Variants in BOC observed in about 807,000 individuals in gnomAD.
BOC encodes the protein BOC cell adhesion associated, oncogene regulated.
A neutral mutation model predicts 112.0 loss-of-function variants in BOC; 76 were observed. The observed-to-expected ratio is 0.68, with a 90% CI of 0.56 to 0.82. The LOEUF (loss-of-function observed/expected upper bound fraction) is 0.82, where lower values mean the gene tolerates loss of function less well. Ranked by LOEUF, BOC falls within the 40% of genes least tolerant of loss-of-function variation. The probability of loss-of-function intolerance (pLI) is 0.00; values close to 1 mark genes in which losing one functional copy is unlikely to be tolerated. For missense variants in BOC, 1,309 were observed against 1,511.7 expected, an observed-to-expected ratio of 0.87 and a Z score of 2.22; for synonymous variants, 580 against 599.8, an observed-to-expected ratio of 0.97 and a Z score of 0.48.
chr3:113,249,433 G>C (rs543020779), intron 2 of BOC, among the ~76,000 whole-genome samples: 1 of 152,322 alleles, frequency 6.6e-6, no homozygotes, highest in Admixed American at 6.5e-5. Flanking sequence ...TGTATCCTCT[G>C]CCCCTCCTCC....
intron 9 of BOC, among the ~76,000 whole-genome samples, chr3:113,277,788 C>T (rs1278806367): frequency 1.3e-5 from 2 of 152,210 alleles, no homozygotes; most frequent in South Asian, 4.1e-4. Context: ...CTTTGAAATA[C>T]AGGGAGAGAA....
intron 2 of BOC, among the ~76,000 whole-genome samples, chr3:113,220,204 C>T (rs1940333739): frequency 6.6e-6 from 1 of 152,196 alleles, no homozygotes; most frequent in Non-Finnish European, 1.5e-5. Flanking sequence ...AAGAATTCGA[C>T]AGGCAGTTAC....
rs1258436830 is a variant in BOC, at chr3:113,279,912, C to T, written c.2112C>T (p.Gly704=). ...CCTCTCGGCCCTACGTGGTGTCGGG[C>T]TACAGCGGTCGCGTGTACGAGAGGC... ...SAPSRPYVVS[G]YSGRVYERPV... Residue 704 remains glycine (G), a synonymous_variant, in exon 13 of 20, where the codon GGC becomes GGT. Transcript: ENST00000682979. The T allele has an allele frequency of 1.2e-6, 2 of 1,613,910 alleles. No homozygotes were observed. The highest frequency in any genetic ancestry group is 1.7e-6 in the Non-Finnish European group (2 of 1,179,996).
At chr3:113,255,277 C>T (rs992501263) in intron 4 of BOC, among the ~76,000 whole-genome samples, 1 of 152,132 alleles carries the variant, frequency 6.6e-6, no homozygotes, top group Non-Finnish European at 1.5e-5. Flanking sequence ...CAGCTGTTCC[C>T]AGTCTGCTCC....
At chr3:113,243,027 G>C (rs1472787651) in intron 2 of BOC, among the ~76,000 whole-genome samples, 1 of 152,222 alleles carries the variant, frequency 6.6e-6, no homozygotes, top group Non-Finnish European at 1.5e-5. Flanking sequence ...TGTCACAACA[G>C]TGTCCCAGGC....
chr3:113,263,327 G>A (rs1489559746), intron 4 of BOC, among the ~76,000 whole-genome samples: 2 of 152,236 alleles, frequency 1.3e-5, no homozygotes, highest in Non-Finnish European at 1.5e-5. Context: ...GAACAGGCAG[G>A]AGGGTAGGAC....
In BOC at chr3:113,247,557, T is replaced by A. The variant is rs547423607; in HGVS notation, c.-81-2165T>A. The stretch of plus-strand genomic sequence containing the variant: ...TATTGTGATTAAAAAGCACAGAGTT[T>A]GGGAATCAGCCTAAACTGGGTTTCA... On this transcript the variant is annotated intron_variant, in intron 2 of 19. Transcript: ENST00000682979. 5.9e-5 allele frequency among the ~76,000 whole-genome samples: 9 copies of A among 151,286 alleles called. No homozygotes were observed. In the South Asian group the frequency reaches 1.9e-3, roughly 32 times the overall value.
intron 4 of BOC, among the ~76,000 whole-genome samples, chr3:113,267,659 T>C (rs1414621992): frequency 6.6e-6 from 1 of 152,242 alleles, no homozygotes; most frequent in Admixed American, 6.5e-5. Flanking sequence ...GTTATAACCA[T>C]GGCCGGCAAC....
chr3:113,258,459 G>C (rs775410923), intron 4 of BOC, among the ~76,000 whole-genome samples: 2 of 152,140 alleles, frequency 1.3e-5, no homozygotes, highest in Non-Finnish European at 2.9e-5. Context: ...AAGAAACTTA[G>C]AGTGTTTTTT....
At chr3:113,268,190 C>A in intron 4 of BOC, 109 bp from the exon 5 acceptor site, 1 of 1,498,890 alleles carries the variant, frequency 6.7e-7, no homozygotes, top group African/African-American at 1.4e-5. Flanking sequence ...TGATATCCCC[C>A]TAGGTGTGAG....
rs143677106 is a variant in BOC at position 113,249,847 on chromosome 3, G to A, written c.45G>A (p.Glu15=). The part of the protein sequence containing the change: ...TMTAWRGMRP[E]VTLACLLLAT... ...CGGCGTGGAGAGGAATGAGGCCTGA[G>A]GTCACACTGGCTTGCCTCCTCCTAG... The change falls in exon 3 of 20, where the codon GAG becomes GAA. Residue 15 remains glutamate, a synonymous_variant. Transcript: ENST00000682979. The A allele has an allele frequency of 7.2e-5, 116 of 1,613,640 alleles. No homozygotes were observed. The highest frequency in any genetic ancestry group is 9.7e-5 in the Non-Finnish European group (115 of 1,179,934).
At chr3:113,279,611 T>A in intron 12 of BOC, 156 bp downstream of exon 12, 1 of 835,958 alleles carries the variant, frequency 1.2e-6, no homozygotes, top group Non-Finnish European at 1.8e-6. Context: ...ACCACAGTCC[T>A]AAAGCCTTCT....
At chr3:113,216,630 A>G (rs1559794872) in intron 2 of BOC, among the ~76,000 whole-genome samples, 1 of 152,194 alleles carries the variant, frequency 6.6e-6, no homozygotes, top group Non-Finnish European at 1.5e-5. Flanking sequence ...ATCACAGCAA[A>G]TGCCTTGTGG....
At chr3:113,216,775 G>A (rs1939465024) in intron 2 of BOC, among the ~76,000 whole-genome samples, 1 of 152,206 alleles carries the variant, frequency 6.6e-6, no homozygotes, top group African/African-American at 2.4e-5. Flanking sequence ...GAAGGCCTTT[G>A]ATGTTTGGGA....
At chr3:113,249,329 A>G (rs1945326168) in intron 2 of BOC, among the ~76,000 whole-genome samples, 1 of 152,322 alleles carries the variant, frequency 6.6e-6, no homozygotes. Flanking sequence ...GGCCTTTTGC[A>G]AGCAAATGGT....
At position 113,274,478 on chromosome 3, in the gene BOC, G is replaced by A. The variant is rs773224548; in HGVS notation, c.1338G>A (p.Pro446=). 5 of 1,611,348 alleles carry A rather than the reference G, an allele frequency of 3.1e-6. No homozygotes were observed. The highest frequency in any genetic ancestry group is 1.3e-5 in the African/African-American group (1 of 74,860). Residue 446 remains proline, a synonymous_variant, in exon 9 of 20, where the codon CCG becomes CCA. Transcript: ENST00000682979. This position sits in a 1 kb window ranked among gnomAD's most constrained non-coding sequence, Gnocchi z 4.8. ...CTGAGCAGATGCTGAGGGGGCAACC[G>A]GCGCTCCCCAGACCCCCAACGTCAG... ...GNPEQMLRGQ[P]ALPRPPTSVG... is the part of the protein sequence containing the mutation.
rs746396967 is a variant in BOC at position 113,250,909 on chromosome 3, A to C, written c.376+76A>C. ...TCCCACCCTGAAGCCCCCACCATTC[A>C]TGCTGCCTCTTGTTACTCTTAGCAT... On this transcript the variant is annotated intron_variant, in intron 4 of 19. Transcript: ENST00000682979. 9.7e-6 allele frequency: 15 copies of C among 1,552,872 alleles called. No homozygotes were observed. In the Admixed American group the frequency reaches 2.6e-4, roughly 27 times the overall value.
chr3:113,278,623 G>T lies in BOC; in HGVS notation c.1706-50G>T. ...GGCAAAAAGGACTCTGTGGGAGGGA[G>T]ATCTCATGCCTGCTTCCTCCCTTGC... On this transcript the variant is annotated intron_variant, in intron 10 of 19. Transcript: ENST00000682979. This position sits in a 1 kb window ranked among gnomAD's most constrained non-coding sequence, Gnocchi z 4.2. 1 of 1,466,668 alleles carries T rather than the reference G, an allele frequency of 6.8e-7. No individual in the cohort carries two copies. Among genetic ancestry groups the T allele is most frequent in the Non-Finnish European group, 9.3e-7 (1 of 1,070,728 alleles). 90.9% of individuals were successfully genotyped at this position (1,466,668 alleles called of 1,614,324 possible).
At chr3:113,279,563 C>G in intron 12 of BOC, 108 bp downstream of exon 12, 2 of 1,099,958 alleles carry the variant, frequency 1.8e-6, no homozygotes, top group South Asian at 3.0e-5. Flanking sequence ...CAGGCCCCCA[C>G]CCACCAGCAT....
Sources: gnomAD v4.1 joint callset for allele counts (sites outside exome capture counted in the v4.1 genomes callset) on GRCh38, gnomAD v4.1.1 for gene constraint, Gnocchi (gnomAD v3.1) non-coding constraint, MANE v1.5 for transcripts, NCBI Gene and HGNC (gene_info 2026-07-23, HGNC 2026-07-21) for gene names.